The following ABCB9 variants were observed in gnomAD, a reference collection of about 807,000 sequenced individuals.
ABCB9 encodes the protein ABC-type oligopeptide transporter ABCB9.
A neutral mutation model predicts 62.0 loss-of-function variants in ABCB9; 36 were observed. The observed-to-expected ratio is 0.58, with a 90% CI of 0.45 to 0.77. ABCB9 has a LOEUF of 0.77. ABCB9 is among the 30% of genes least tolerant of loss of function. The pLI is 0.00. For missense variants in ABCB9, 943 were observed against 1,054.7 expected (o/e 0.89, Z 1.47); for synonymous variants, 435 against 461.4 (o/e 0.94, Z 0.73).
intron 11 of ABCB9, among the ~76,000 whole-genome samples, chr12:122,931,047 T>TG (rs899145816): frequency 1.3e-5 from 2 of 152,116 alleles, no homozygotes; most frequent in African/African-American, 2.4e-5. Flanking sequence ...TTTTTTCAGA[T>TG]GGAGTCTCAC....
upstream of ABCB9, among the ~76,000 whole-genome samples, chr12:122,970,525 G>A (rs2037258128): frequency 6.6e-6 from 1 of 152,152 alleles, no homozygotes; most frequent in South Asian, 2.1e-4. Context: ...TGGGATTACA[G>A]GTGTGAGCCA....
At chr12:122,951,959 C>T (rs1421840273) in intron 2 of ABCB9, 1 of 152,266 alleles carries the variant, frequency 6.6e-6, no homozygotes, top group Non-Finnish European at 1.5e-5. Flanking sequence ...TAGGGCAGAG[C>T]TCTCCAGGAT....
chr12:122,924,348 G>A (rs1199696955), downstream of ABCB9, among the ~76,000 whole-genome samples: 1 of 152,178 alleles, frequency 6.6e-6, no homozygotes, highest in Non-Finnish European at 1.5e-5. Context: ...GCATATCGAA[G>A]AGTTCAATCA....
intron 11 of ABCB9, among the ~76,000 whole-genome samples, chr12:122,921,380 A>G (rs1264427352): frequency 1.3e-5 from 2 of 152,310 alleles, no homozygotes; most frequent in Admixed American, 1.3e-4. Flanking sequence ...GCACCACTGC[A>G]CTCCAGGCTA....
rs375160035 is a variant in ABCB9, at chr12:122,949,855, G to A, written c.780C>T (p.Arg260=). The change falls in exon 4 of 12, where the codon CGC becomes CGT. Residue 260 remains arginine (R), a synonymous_variant. Coordinates refer to ENST00000280560, the MANE Select transcript of ABCB9 (RefSeq NM_019625.4). ...GTGAGCGGAAGAGACAGTTTCGAAG[G>A]CGAATGTTCAGTCTGGCAAATATGA... ...FTLIFARLNI[R]LRNCLFRSLV... is the part of the protein sequence containing the mutation. 1.3e-5 allele frequency: 21 copies of A among 1,614,110 alleles called. No homozygotes were observed. The African/African-American group carries it at 2.8e-4, about 22-fold the overall frequency.
At chr12:122,953,581 T>G (rs2135881461) in intron 2 of ABCB9, among the ~76,000 whole-genome samples, 1 of 152,224 alleles carries the variant, frequency 6.6e-6, no homozygotes, top group Non-Finnish European at 1.5e-5. Flanking sequence ...AGAGATGGGG[T>G]TTCACCATGT....
intron 9 of ABCB9, among the ~76,000 whole-genome samples, chr12:122,938,992 T>C (rs1239006425): frequency 6.6e-6 from 1 of 151,966 alleles, no homozygotes; most frequent in Non-Finnish European, 1.5e-5. Flanking sequence ...GGCAACACGG[T>C]GAAACCCTGT....
At chr12:122,951,688 C>T (rs1353882869) in intron 2 of ABCB9, 1 of 152,112 alleles carries the variant, frequency 6.6e-6, no homozygotes, top group African/African-American at 2.4e-5. Context: ...AAATTGCCAC[C>T]CCACCCCTCC....
intron 2 of ABCB9, among the ~76,000 whole-genome samples, chr12:122,955,701 GTTTTTGTT>G (rs1264808409): frequency 4.0e-5 from 6 of 151,282 alleles, no homozygotes; most frequent in African/African-American, 1.5e-4. Context: ...AGTTTTTTGG[GTTTTTGTT>G]TTTTTGTTTT....
rs2035026353 is a variant in ABCB9 at position 122,929,506 on chromosome 12, G to A, written c.*405C>T. 1 of 1,001,278 alleles carries A rather than the reference G, an allele frequency of 1.0e-6. No individual in the cohort carries two copies. The highest frequency in any genetic ancestry group is 1.2e-6 in the Non-Finnish European group (1 of 840,646). 62.0% of individuals were successfully genotyped at this position (1,001,278 alleles called of 1,614,324 possible). A position where few individuals can be genotyped will look rare whatever the true frequency, so the allele number is the denominator to read the frequency against. ...ACATCCCCCAGGCTACTAAGGAAGG[G>A]CCATTCACTCCTGGCTCAGAAGTTT... On this transcript the variant is annotated 3_prime_UTR_variant, in exon 12 of 12. Transcript: ENST00000280560. This position sits in a 1 kb window ranked among gnomAD's most constrained non-coding sequence, Gnocchi z 6.0.
chr12:122,950,519 G>A lies in ABCB9; in HGVS notation c.648C>T (p.Ile216=), dbSNP rs767762933. 6.8e-6 allele frequency: 11 copies of A among 1,613,208 alleles called. No homozygotes were observed. The East Asian group carries it at 8.9e-5, about 13-fold the overall frequency. Residue 216 remains isoleucine, a synonymous_variant, in exon 3 of 12, where the codon ATC becomes ATT. Coordinates refer to ENST00000280560, the MANE Select transcript of ABCB9 (RefSeq NM_019625.4). ...PYYTGRAIDG[I]VIQKSMDQFS... ...ACTGATCCATGCTTTTCTGGATGACGATGCCATCAATGGCGCGGCCCGTGT... is the reference window on the plus strand; with the variant it reads ...ACTGATCCATGCTTTTCTGGATGACAATGCCATCAATGGCGCGGCCCGTGT...
chr12:122,919,997 C>G (rs1459108990), downstream of ABCB9, among the ~76,000 whole-genome samples: 6 of 152,072 alleles, frequency 3.9e-5, no homozygotes, highest in South Asian at 1.2e-3. Context: ...ACCTCTGCCT[C>G]CCGGGTTCAA....
downstream of ABCB9, chr12:122,924,496 C>A (rs2034834566): frequency 1.2e-6 from 1 of 808,030 alleles, no homozygotes; most frequent in South Asian, 2.9e-5. Context: ...TCCCGAGTAG[C>A]TGGAATTACA....
chr12:122,963,188 C>T (rs1189293356), intron 1 of ABCB9, among the ~76,000 whole-genome samples: 1 of 152,224 alleles, frequency 6.6e-6, no homozygotes, highest in Non-Finnish European at 1.5e-5. Flanking sequence ...ACCCCAGCAA[C>T]TCAGGAGGCT....
chr12:122,953,659 T>G (rs2036476115), intron 2 of ABCB9, among the ~76,000 whole-genome samples: 1 of 152,204 alleles, frequency 6.6e-6, no homozygotes, highest in South Asian at 2.1e-4. Context: ...GTGCTGGGAT[T>G]ACAGGCATGA....
chr12:122,923,517 C>T (rs1010744486), intron 11 of ABCB9, among the ~76,000 whole-genome samples: 1 of 152,040 alleles, frequency 6.6e-6, no homozygotes, highest in Non-Finnish European at 1.5e-5. Flanking sequence ...TCTCCATCTC[C>T]TGACCTCGTG....
chr12:122,968,114 A>C (rs535836347), upstream of ABCB9, among the ~76,000 whole-genome samples: 2 of 152,364 alleles, frequency 1.3e-5, no homozygotes, highest in South Asian at 4.1e-4. Context: ...AAAGGTATGG[A>C]ATGACCTCCT....
downstream of ABCB9, chr12:122,928,936 C>G (rs1365647786): frequency 5.4e-6 from 5 of 928,476 alleles, no homozygotes; most frequent in Non-Finnish European, 6.4e-6. Flanking sequence ...GAGCCGTGGT[C>G]TGGTGGAAAA....
chr12:122,950,674 T>C, intron 2 of ABCB9, 109 bp from the exon 3 acceptor site: 1 of 885,632 alleles, frequency 1.1e-6, no homozygotes, highest in Non-Finnish European at 1.7e-6. Flanking sequence ...ACTCCACCGG[T>C]GGGCTTTCCT....
Sources: gnomAD v4.1 joint callset for allele counts (sites outside exome capture counted in the v4.1 genomes callset) on GRCh38, gnomAD v4.1.1 for gene constraint, Gnocchi (gnomAD v3.1) non-coding constraint, MANE v1.5 for transcripts, NCBI Gene and HGNC (gene_info 2026-07-23, HGNC 2026-07-21) for gene names.